AFF3: variants seen among roughly 807,000 people sequenced by gnomAD.
AFF3 encodes the protein AF4/FMR2 family member 3.
Under a neutral mutation model 129.7 loss-of-function variants are expected in AFF3, and 32 were observed. That is an observed-to-expected ratio of 0.25 (90% confidence interval 0.19 to 0.33). The LOEUF (loss-of-function observed/expected upper bound fraction) is 0.33, where lower values mean the gene tolerates loss of function less well. AFF3 is among the 10% of genes least tolerant of loss of function. The pLI is 1.00. For synonymous variants in AFF3, 644 were observed against 635.4 expected (o/e 1.01, Z -0.20); for missense variants, 1,373 against 1,592.0 (o/e 0.86, Z 2.34).
At chr2:99,692,512 T>C (rs1185674459) in intron 11 of AFF3, among the ~76,000 whole-genome samples, 8 of 152,164 alleles carry the variant, frequency 5.3e-5, no homozygotes, top group South Asian at 4.1e-4. Context: ...GGAAGAAGGT[T>C]AGGAGGGGAG....
intron 2 of AFF3, among the ~76,000 whole-genome samples, chr2:100,112,692 A>G (rs139636527): frequency 2.0e-5 from 3 of 152,258 alleles, no homozygotes; most frequent in East Asian, 1.9e-4. Context: ...CCTGTCTCCA[A>G]TGGAAGAAAA....
intron 4 of AFF3, among the ~76,000 whole-genome samples, chr2:100,065,946 G>A (rs1687688661): frequency 6.6e-6 from 1 of 152,152 alleles, no homozygotes; most frequent in African/African-American, 2.4e-5. Context: ...CCAGCAGACA[G>A]CTGACATTAT....
In AFF3 at chr2:99,549,260, G is replaced by A; in HGVS notation, c.*2214C>T. 1 of 204,372 alleles carries A rather than the reference G, an allele frequency of 4.9e-6. No individual in the cohort carries two copies. Among genetic ancestry groups the A allele is most frequent in the Non-Finnish European group, 1.0e-5 (1 of 99,804 alleles). 12.7% of individuals were successfully genotyped at this position (204,372 alleles called of 1,614,324 possible). On this transcript the variant is annotated 3_prime_UTR_variant, in exon 25 of 25. Coordinates refer to ENST00000672756, the MANE Select transcript of AFF3 (RefSeq NM_001386135.1). The stretch of plus-strand genomic sequence containing the variant: ...TTTCTTAAGTTAGGTTCAAGTTTCT[G>A]ACATAGGATGGGATTGTGAACTCTG...
intron 8 of AFF3, among the ~76,000 whole-genome samples, chr2:99,828,709 C>T (rs1014564476): frequency 1.7e-4 from 26 of 152,162 alleles, no homozygotes; most frequent in Admixed American, 1.5e-3. Context: ...GTGGCTTACA[C>T]TCGAGGACCT....
rs114999845 is a variant in AFF3 at position 99,993,593 on chromosome 2, T to G, written c.873+13039A>C. Among the ~76,000 whole-genome samples the G allele has an allele frequency of 1.5e-3, 219 of 147,262 alleles. 1 individual carries two copies. Among genetic ancestry groups the G allele is most frequent in the African/African-American group, 5.4e-3 (215 of 40,082 alleles). On this transcript the variant is annotated intron_variant, in intron 7 of 24. Transcript: ENST00000672756. ...AATAATATACAAAAACGAGAGAGAG[T>G]TGGAAACAAAATGGACACTTCAAAA...
At chr2:99,920,033 T>G (rs1288165770) in intron 7 of AFF3, among the ~76,000 whole-genome samples, 1 of 152,084 alleles carries the variant, frequency 6.6e-6, no homozygotes, top group Admixed American at 6.6e-5. Flanking sequence ...ATAGAAAATC[T>G]AAATAACTCT....
chr2:100,114,242 G>A (rs1008227046), intron 2 of AFF3, among the ~76,000 whole-genome samples: 5 of 152,220 alleles, frequency 3.3e-5, no homozygotes, highest in African/African-American at 1.2e-4. Flanking sequence ...CTGGCCCAGA[G>A]CACAGTGAAA....
At chr2:99,555,259 G>C (rs1412956365) in intron 22 of AFF3, among the ~76,000 whole-genome samples, 1 of 152,054 alleles carries the variant, frequency 6.6e-6, no homozygotes, top group Non-Finnish European at 1.5e-5. Flanking sequence ...AAAAGAGCAG[G>C]AACACCCTCA....
At chr2:100,103,253 A>G (rs1690879436) in intron 4 of AFF3, among the ~76,000 whole-genome samples, 1 of 152,182 alleles carries the variant, frequency 6.6e-6, no homozygotes, top group Non-Finnish European at 1.5e-5. Flanking sequence ...TTAAAATTGT[A>G]CATTGCATAT....
intron 13 of AFF3, among the ~76,000 whole-genome samples, chr2:99,610,742 C>T (rs1213170323): frequency 1.3e-5 from 2 of 152,142 alleles, no homozygotes; most frequent in African/African-American, 4.8e-5. Context: ...CAGAATTGGA[C>T]TCTGATGAGT....
chr2:99,551,316 C>G lies in AFF3; in HGVS notation c.*158G>C. 2.8e-6 allele frequency: 3 copies of G among 1,084,056 alleles called. No individual in the cohort carries two copies. The South Asian group carries it at 4.7e-5, about 17-fold the overall frequency. The allele number at this position is 1,084,056 out of a possible 1,614,324, so 67.2% of individuals were successfully genotyped here. Reference sequence around the variant, plus strand: ...GCGGCTTCTTATATACCCACACATACAAACACACATGCCCTGCAAAAGATC... The same window carrying G: ...GCGGCTTCTTATATACCCACACATAGAAACACACATGCCCTGCAAAAGATC... On this transcript the variant is annotated 3_prime_UTR_variant, in exon 25 of 25. Transcript: ENST00000672756.
intron 7 of AFF3, among the ~76,000 whole-genome samples, chr2:100,001,110 G>A (rs1249648324): frequency 2.0e-5 from 3 of 152,178 alleles, no homozygotes; most frequent in Admixed American, 1.3e-4. Context: ...CTGTTCAGAC[G>A]CATTCCGGGG....
At chr2:99,752,819 C>T (rs757485168) in intron 8 of AFF3, among the ~76,000 whole-genome samples, 1 of 152,166 alleles carries the variant, frequency 6.6e-6, no homozygotes, top group South Asian at 2.1e-4. Context: ...AAACAAATCA[C>T]GCCTATGAAA....
chr2:100,133,784 T>C (rs149588902), intron 1 of AFF3, among the ~76,000 whole-genome samples: 1,636 of 152,190 alleles, frequency 0.011, 14 homozygotes, highest in Middle Eastern at 0.02. Context: ...TACACAAAAA[T>C]TACCCAGGCA....
chr2:99,941,315 T>C (rs1675021759), intron 7 of AFF3, among the ~76,000 whole-genome samples: 1 of 152,176 alleles, frequency 6.6e-6, no homozygotes, highest in Non-Finnish European at 1.5e-5. Flanking sequence ...CAGCTCTCAC[T>C]GCTACTAAAG....
chr2:100,099,355 G>A (rs898708737), intron 4 of AFF3, among the ~76,000 whole-genome samples: 7 of 152,206 alleles, frequency 4.6e-5, no homozygotes, highest in African/African-American at 9.7e-5. Flanking sequence ...ACTGGCCTGC[G>A]CATGCCCCCT....
In AFF3 at chr2:99,657,139, G is replaced by A. The variant is rs147783582; in HGVS notation, c.1144-7473C>T. ...GAAGGCAGACCTCAGGGCCTGAGGA[G>A]CATGCCAATAACGAAAGCACAGAGC... is the stretch of plus-strand genomic sequence containing the variant. On this transcript the variant is annotated intron_variant, in intron 12 of 24. Transcript: ENST00000672756. Among the ~76,000 whole-genome samples the A allele has an allele frequency of 3.2e-3, 487 of 152,274 alleles. 4 individuals carry two copies. The highest frequency in any genetic ancestry group is 0.011 in the African/African-American group (469 of 41,536).
intron 7 of AFF3, among the ~76,000 whole-genome samples, chr2:99,841,760 A>T (rs910688983): frequency 6.6e-6 from 1 of 152,214 alleles, no homozygotes; most frequent in East Asian, 1.9e-4. Flanking sequence ...TCCAAAAATC[A>T]TTCTGACAGC....
intron 7 of AFF3, among the ~76,000 whole-genome samples, chr2:99,943,215 A>G (rs1675227690): frequency 1.3e-5 from 2 of 152,206 alleles, no homozygotes; most frequent in African/African-American, 4.8e-5. Context: ...AGAGAGCACC[A>G]GGCAGGATAA....
Sources: allele counts gnomAD v4.1 joint callset (sites outside exome capture counted in the v4.1 genomes callset), GRCh38; gene constraint gnomAD v4.1.1; transcripts MANE v1.5; gene names NCBI Gene and HGNC (gene_info 2026-07-23, HGNC 2026-07-21).